The following COL23A1 variants were observed in gnomAD, a reference collection of about 807,000 sequenced individuals.
The protein encoded by COL23A1 is collagen type XXIII alpha 1 chain.
In COL23A1, 97 loss-of-function variants were observed where a neutral mutation model predicts 99.3. That is an observed-to-expected ratio of 0.98 (90% CI 0.83 to 1.16). The LOEUF is 1.16. Ranked by LOEUF, COL23A1 falls within the 50% of genes most tolerant of loss-of-function variation. COL23A1 has a pLI of 0.00. For synonymous variants in COL23A1, 320 were observed against 308.2 expected (o/e 1.04, Z -0.40); for missense variants, 762 against 757.4 (o/e 1.01, Z -0.07).
intron 2 of COL23A1, among the ~76,000 whole-genome samples, chr5:178,360,944 A>G (rs1002231915): frequency 6.6e-6 from 1 of 152,164 alleles, no homozygotes; most frequent in African/African-American, 2.4e-5. Flanking sequence ...CTGAAGAACA[A>G]CAGAAGACGT....
chr5:178,498,401 A>T (rs896269182), intron 2 of COL23A1, among the ~76,000 whole-genome samples: 1 of 151,370 alleles, frequency 6.6e-6, no homozygotes, highest in Non-Finnish European at 1.5e-5. Flanking sequence ...CCGAGTGTTG[A>T]AAAAAAAGTA....
At chr5:178,244,757 CTA>C (rs1199884520) in intron 25 of COL23A1, among the ~76,000 whole-genome samples, 1 of 152,246 alleles carries the variant, frequency 6.6e-6, no homozygotes, top group East Asian at 1.9e-4. Context: ...CCAGTTTAAA[CTA>C]TGTTTTCTAT....
intron 2 of COL23A1, among the ~76,000 whole-genome samples, chr5:178,481,686 C>A (rs1757347368): frequency 6.6e-6 from 1 of 151,958 alleles, no homozygotes; most frequent in Non-Finnish European, 1.5e-5. Context: ...ACTTCATACC[C>A]ATTAGTATAG....
Position 178,322,061 on chromosome 5 carries a change from C to T in COL23A1, c.362-15142G>A, listed in dbSNP as rs1759351879. 2.0e-5 allele frequency among the ~76,000 whole-genome samples: 3 copies of T among 151,126 alleles called. No individual in the cohort carries two copies. In the South Asian group the frequency reaches 6.3e-4, roughly 32 times the overall value. On this transcript the variant is annotated intron_variant, in intron 2 of 28. Coordinates refer to ENST00000390654, the MANE Select transcript of COL23A1 (RefSeq NM_173465.4). The stretch of plus-strand genomic sequence containing the variant: ...AGGCTGAAGTGCAGTGGTGTGATCT[C>T]AGCTCACTGCAACCTCCGCCTCCTG...
intron 9 of COL23A1, 148 bp downstream of exon 9, chr5:178,263,060 G>C: frequency 1.4e-6 from 1 of 737,320 alleles, no homozygotes; most frequent in East Asian, 2.5e-5. Flanking sequence ...TTGGAGTTAA[G>C]TTTGGGCCCA....
chr5:178,478,740 T>C (rs1757165522), intron 2 of COL23A1, among the ~76,000 whole-genome samples: 1 of 152,186 alleles, frequency 6.6e-6, no homozygotes, highest in Admixed American at 6.5e-5. Flanking sequence ...CCAGATATTC[T>C]TGGGTTTAAA....
In COL23A1 at chr5:178,242,204, C is replaced by T. The variant is rs763592720; in HGVS notation, c.1495-76G>A. 335 of 1,466,156 alleles carry T rather than the reference C, an allele frequency of 2.3e-4. 1 individual carries two copies. Among genetic ancestry groups the T allele is most frequent in the African/African-American group, 1.7e-4 (12 of 71,306 alleles). 90.8% of individuals were successfully genotyped at this position (1,466,156 alleles called of 1,614,324 possible). On this transcript the variant is annotated intron_variant, in intron 26 of 28. Coordinates refer to ENST00000390654, the MANE Select transcript of COL23A1 (RefSeq NM_173465.4). ...ACCTCCAACATCTCTCCGAGAGAAG[C>T]GCGTGGGGCCAGCCTCCCCCTGCCT...
At chr5:178,493,511 G>T (rs1758043176) in intron 2 of COL23A1, among the ~76,000 whole-genome samples, 1 of 152,224 alleles carries the variant, frequency 6.6e-6, no homozygotes, top group African/African-American at 2.4e-5. Context: ...TCAGCCACCT[G>T]CCCTACTCTG....
At chr5:178,513,055 A>T (rs1283701122) in intron 2 of COL23A1, among the ~76,000 whole-genome samples, 1 of 152,206 alleles carries the variant, frequency 6.6e-6, no homozygotes, top group Non-Finnish European at 1.5e-5. Context: ...CAGGGGCTCA[A>T]GCTGCAGGGA....
intron 2 of COL23A1, among the ~76,000 whole-genome samples, chr5:178,539,545 C>CAAAAAAAA (rs58424731): frequency 2.0e-4 from 16 of 78,370 alleles, no homozygotes; most frequent in East Asian, 4.0e-4. Flanking sequence ...GACTCTGTCT[C>CAAAAAAAA]AAAAAAAAAA....
intron 2 of COL23A1, among the ~76,000 whole-genome samples, chr5:178,442,461 G>A (rs1183658790): frequency 6.6e-6 from 1 of 152,180 alleles, no homozygotes; most frequent in Non-Finnish European, 1.5e-5. Context: ...CATGTCAAAA[G>A]CAATTTCCCA....
intron 2 of COL23A1, among the ~76,000 whole-genome samples, chr5:178,554,684 T>G (rs898503322): frequency 6.6e-6 from 1 of 151,868 alleles, no homozygotes; most frequent in Admixed American, 6.6e-5. Context: ...TTGCCAACCC[T>G]CCCCCACTTT....
At chr5:178,356,133 C>A (rs1385508390) in intron 2 of COL23A1, among the ~76,000 whole-genome samples, 1 of 152,160 alleles carries the variant, frequency 6.6e-6, no homozygotes, top group Non-Finnish European at 1.5e-5. Flanking sequence ...GGCTTAGGGC[C>A]CCACTCTAAG....
At chr5:178,504,162 T>C (rs1758734021) in intron 2 of COL23A1, among the ~76,000 whole-genome samples, 1 of 152,102 alleles carries the variant, frequency 6.6e-6, no homozygotes, top group Non-Finnish European at 1.5e-5. Context: ...ATCTTCTTTG[T>C]TTTTCATCCC....
At chr5:178,514,772 AG>A (rs554112219) in intron 2 of COL23A1, among the ~76,000 whole-genome samples, 71 of 152,378 alleles carry the variant, frequency 4.7e-4, no homozygotes, top group African/African-American at 1.7e-3. Flanking sequence ...ACCACATTCC[AG>A]GAACTAGTCA....
intron 2 of COL23A1, among the ~76,000 whole-genome samples, chr5:178,407,421 G>A (rs1165369017): frequency 6.6e-6 from 1 of 152,188 alleles, no homozygotes; most frequent in Non-Finnish European, 1.5e-5. Flanking sequence ...AAAATGTCCA[G>A]GGTTTAATAA....
chr5:178,377,514 T>C (rs1408992152), intron 2 of COL23A1, among the ~76,000 whole-genome samples: 1 of 152,236 alleles, frequency 6.6e-6, no homozygotes, highest in Non-Finnish European at 1.5e-5. Context: ...CGTGTCATCC[T>C]GGGCCTTTTG....
intron 2 of COL23A1, among the ~76,000 whole-genome samples, chr5:178,475,146 G>A (rs1756962430): frequency 6.6e-6 from 1 of 152,202 alleles, no homozygotes; most frequent in Non-Finnish European, 1.5e-5. Flanking sequence ...CCCTAATCCA[G>A]TACAACCTCA....
chr5:178,258,394 G>GTTTTTT (rs59750946), intron 12 of COL23A1, among the ~76,000 whole-genome samples: 1 of 109,058 alleles, frequency 9.2e-6, no homozygotes, highest in Non-Finnish European at 1.9e-5. Context: ...GATGGGAGAG[G>GTTTTTT]TTTTTTTTTT....
Sources: gnomAD v4.1 joint callset for allele counts (sites outside exome capture counted in the v4.1 genomes callset) on GRCh38, gnomAD v4.1.1 for gene constraint, MANE v1.5 for transcripts, NCBI Gene and HGNC (gene_info 2026-07-23, HGNC 2026-07-21) for gene names.